Variants in CRPPA observed in about 807,000 individuals in gnomAD.
The protein encoded by CRPPA is CDP-L-ribitol pyrophosphorylase A, also known as D-ribitol-5-phosphate cytidylyltransferase.
A neutral mutation model predicts 52.0 loss-of-function variants in CRPPA; 43 were observed. The observed-to-expected ratio is 0.83, with a 90% CI of 0.65 to 1.07. CRPPA has a LOEUF of 1.07. Ranked by LOEUF, CRPPA falls within the 50% of genes least tolerant of loss-of-function variation. The pLI is 0.00. For missense variants in CRPPA, 629 were observed against 551.7 expected, an observed-to-expected ratio of 1.14 and a Z score of -1.40; for synonymous variants, 250 against 203.5, an observed-to-expected ratio of 1.23 and a Z score of -1.94.
At chr7:16,317,526 T>G (rs1785168521) in intron 3 of CRPPA, among the ~76,000 whole-genome samples, 1 of 152,178 alleles carries the variant, frequency 6.6e-6, no homozygotes, top group African/African-American at 2.4e-5. Context: ...TGCTTTTTCT[T>G]ATATCTAATG....
At chr7:16,280,921 G>A (rs896260573) in intron 5 of CRPPA, among the ~76,000 whole-genome samples, 10 of 152,146 alleles carry the variant, frequency 6.6e-5, no homozygotes, top group Admixed American at 6.5e-4. Flanking sequence ...GCAGGAGGCT[G>A]AGGCAGGAGA....
At chr7:16,268,836 A>G (rs1385309600) in intron 6 of CRPPA, 1 of 152,190 alleles carries the variant, frequency 6.6e-6, no homozygotes, top group East Asian at 1.9e-4. Context: ...TTTCTGCAAC[A>G]CTGTCTTTCT....
Position 16,286,095 on chromosome 7 carries a change from AAAAT to A in CRPPA, c.836-7873_836-7870del, listed in dbSNP as rs1315714701. On this transcript the variant is annotated intron_variant, in intron 5 of 9. Transcript: ENST00000407010. ...TATATATATATAATATTTAAAAAAA[AAAAT>A]ATATATATATATATATATGCCAAAA... is the stretch of plus-strand genomic sequence containing the variant. Among the ~76,000 whole-genome samples the A allele has an allele frequency of 7.2e-4, 19 of 26,518 alleles. 2 individuals are homozygous for A. Among genetic ancestry groups the A allele is most frequent in the South Asian group, 2.5e-3 (4 of 1,624 alleles). The allele number at this position is 26,518 out of a possible 152,430, so 17.4% of individuals were successfully genotyped here.
At chr7:16,206,952 A>AATGAG (rs1781988585) in intron 9 of CRPPA, among the ~76,000 whole-genome samples, 2 of 152,148 alleles carry the variant, frequency 1.3e-5, no homozygotes, top group African/African-American at 4.8e-5. Context: ...AAAGGTGAGT[A>AATGAG]ATGAGATGGA....
chr7:16,389,928 A>ATATATATATATATAT (rs1554353907), intron 2 of CRPPA, among the ~76,000 whole-genome samples: 2 of 29,760 alleles, frequency 6.7e-5, no homozygotes, highest in African/African-American at 3.5e-4. Flanking sequence ...AAAAAAAAAA[A>ATATATATATATATAT]ATATATATAT....
Position 16,226,048 on chromosome 7 carries a change from A to G in CRPPA, c.1120-9851T>C, listed in dbSNP as rs374220525. Among the ~76,000 whole-genome samples the G allele has an allele frequency of 5.2e-4, 79 of 152,112 alleles. 1 individual carries two copies. Among genetic ancestry groups the G allele is most frequent in the African/African-American group, 1.8e-3 (73 of 41,586 alleles). On this transcript the variant is annotated intron_variant, in intron 8 of 9. Transcript: ENST00000407010. ...AGTCATATTAGAAAAGCCTCCACCAATTCATCCTGTGCCTTCTCTTAGGTG... is the reference window on the plus strand; with the variant it reads ...AGTCATATTAGAAAAGCCTCCACCAGTTCATCCTGTGCCTTCTCTTAGGTG...
Position 16,188,624 on chromosome 7 carries a change from C to T in CRPPA, c.1251+27442G>A, listed in dbSNP as rs564913740. Among the ~76,000 whole-genome samples the T allele has an allele frequency of 5.9e-5, 9 of 152,212 alleles. No individual in the cohort carries two copies. In the East Asian group the frequency reaches 1.7e-3, roughly 29 times the overall value. On this transcript the variant is annotated intron_variant, in intron 9 of 9. Coordinates refer to ENST00000407010, the MANE Select transcript of CRPPA (RefSeq NM_001101426.4). ...TCTCACCTATAAAATAATAATTCCC[C>T]AACATGTCCACTGTAAGCATAATAT...
chr7:16,319,629 A>C (rs1785215085), intron 3 of CRPPA, among the ~76,000 whole-genome samples: 1 of 152,076 alleles, frequency 6.6e-6, no homozygotes, highest in South Asian at 2.1e-4. Flanking sequence ...CCCAAAGAAA[A>C]TTCTTCTAGT....
At chr7:16,307,169 C>T (rs1359030353) in intron 4 of CRPPA, among the ~76,000 whole-genome samples, 1 of 152,034 alleles carries the variant, frequency 6.6e-6, no homozygotes, top group Non-Finnish European at 1.5e-5. Flanking sequence ...CCAAAGACTG[C>T]AAGCAATATT....
Position 16,307,482 on chromosome 7 carries a change from G to A in CRPPA, c.789+1041C>T, listed in dbSNP as rs191826650. Among the ~76,000 whole-genome samples the A allele has an allele frequency of 1.8e-4, 27 of 152,018 alleles. No individual in the cohort carries two copies. In the East Asian group the frequency reaches 5.3e-3, roughly 30 times the overall value. Reference sequence around the variant, plus strand: ...AGATAGCCTGAGGTCAGGAGTTCAAGACTAGGCTGGCCAACATGGTGAAAC... The same window carrying A: ...AGATAGCCTGAGGTCAGGAGTTCAAAACTAGGCTGGCCAACATGGTGAAAC... On this transcript the variant is annotated intron_variant, in intron 4 of 9. Coordinates refer to ENST00000407010, the MANE Select transcript of CRPPA (RefSeq NM_001101426.4).
intron 6 of CRPPA, among the ~76,000 whole-genome samples, chr7:16,264,766 C>T (rs1259975014): frequency 2.6e-5 from 4 of 152,164 alleles, no homozygotes; most frequent in Non-Finnish European, 5.9e-5. Flanking sequence ...CAACAATTAT[C>T]CCTTTTTGCC....
chr7:16,277,591 G>A (rs1346216376), intron 6 of CRPPA, among the ~76,000 whole-genome samples: 1 of 152,110 alleles, frequency 6.6e-6, no homozygotes, highest in Non-Finnish European at 1.5e-5. Flanking sequence ...GCAGTGCTTG[G>A]TGGTAAAATT....
At chr7:16,368,425 C>G (rs1786665069) in intron 3 of CRPPA, among the ~76,000 whole-genome samples, 1 of 151,986 alleles carries the variant, frequency 6.6e-6, no homozygotes, top group African/African-American at 2.4e-5. Flanking sequence ...TGGAAAAGCC[C>G]AAGATTCTTT....
At chr7:16,232,986 G>T (rs1782847579) in intron 8 of CRPPA, among the ~76,000 whole-genome samples, 2 of 152,006 alleles carry the variant, frequency 1.3e-5, no homozygotes, top group African/African-American at 2.4e-5. Context: ...AACATATTAA[G>T]CACAGATGTA....
At position 16,264,435 on chromosome 7, in the gene CRPPA, C is replaced by T. The variant is rs573674330; in HGVS notation, c.934-5423G>A. On this transcript the variant is annotated intron_variant, in intron 6 of 9. Transcript: ENST00000407010. ...AAATAAGAGTTTAGGAAAGATTTACCGTAAACTAAATGCAAACATCTGTGT... is the reference window on the plus strand; with the variant it reads ...AAATAAGAGTTTAGGAAAGATTTACTGTAAACTAAATGCAAACATCTGTGT... 1.8e-4 allele frequency among the ~76,000 whole-genome samples: 28 copies of T among 152,180 alleles called. No homozygotes were observed. The South Asian group carries it at 2.9e-3, about 16-fold the overall frequency.
intron 9 of CRPPA, among the ~76,000 whole-genome samples, chr7:16,165,839 G>T (rs1781053179): frequency 1.3e-5 from 2 of 152,326 alleles, no homozygotes; most frequent in African/African-American, 4.8e-5. Context: ...CTTCTACAGA[G>T]ATCATGGCTT....
chr7:16,235,524 C>A (rs1052046928), intron 8 of CRPPA, among the ~76,000 whole-genome samples: 1 of 152,012 alleles, frequency 6.6e-6, no homozygotes, highest in Non-Finnish European at 1.5e-5. Flanking sequence ...TACAGCCATA[C>A]CCATTCTTTT....
At chr7:16,331,103 C>T (rs1197724757) in intron 3 of CRPPA, among the ~76,000 whole-genome samples, 1 of 152,132 alleles carries the variant, frequency 6.6e-6, no homozygotes, top group Non-Finnish European at 1.5e-5. Flanking sequence ...GAGTTCACGC[C>T]ATTCTCCTGC....
chr7:16,239,087 G>T (rs575625821), intron 8 of CRPPA, among the ~76,000 whole-genome samples: 3 of 131,116 alleles, frequency 2.3e-5, no homozygotes, highest in Non-Finnish European at 4.6e-5. Context: ...GCAGTGAACT[G>T]AGATCATGCC....
Sources: allele counts gnomAD v4.1 joint callset (sites outside exome capture counted in the v4.1 genomes callset), GRCh38; gene constraint gnomAD v4.1.1; transcripts MANE v1.5; gene names NCBI Gene and HGNC (gene_info 2026-07-23, HGNC 2026-07-21).